RNF10: variants seen among roughly 807,000 people sequenced by gnomAD.
RNF10 encodes ring finger protein 10.
A neutral mutation model predicts 91.4 loss-of-function variants in RNF10; 38 were observed. The observed-to-expected ratio is 0.42, with a 90% CI of 0.32 to 0.54. RNF10 has a LOEUF of 0.54. Among genes scored for constraint, RNF10 ranks in the 20% least tolerant of loss-of-function variants. RNF10 has a pLI of 0.16. For synonymous variants in RNF10, 364 were observed against 366.3 expected (o/e 0.99, Z 0.07); for missense variants, 945 against 1,012.0 (o/e 0.93, Z 0.90).
chr12:120,562,941 T>G lies in RNF10; in HGVS notation c.1129-4T>G. ...TTCTCTGGTGTTCTCTCTGGCCACG[T>G]TAGACTCGGGAAGAGGCTCTGTCGG... On this transcript the variant is annotated splice_region_variant and splice_polypyrimidine_tract_variant and intron_variant, in intron 7 of 16. Coordinates refer to ENST00000325954, the MANE Select transcript of RNF10 (RefSeq NM_014868.5). The G allele has an allele frequency of 6.2e-7, 1 of 1,613,878 alleles. No individual in the cohort carries two copies. Among genetic ancestry groups the G allele is most frequent in the Non-Finnish European group, 8.5e-7 (1 of 1,179,876 alleles).
intron 14 of RNF10, chr12:120,575,429 C>T (rs1306626115): frequency 1.7e-6 from 1 of 599,372 alleles, no homozygotes. Context: ...TGGTTTACTA[C>T]CTTGTGGGTT....
chr12:120,534,643 C>T lies in RNF10; in HGVS notation c.-169C>T. 1 of 1,345,742 alleles carries T rather than the reference C, an allele frequency of 7.4e-7. No homozygotes were observed. 83.4% of individuals were successfully genotyped at this position (1,345,742 alleles called of 1,614,324 possible). A position where few individuals can be genotyped will look rare whatever the true frequency, so the allele number is the denominator to read the frequency against. On this transcript the variant is annotated 5_prime_UTR_variant, in exon 1 of 17. Transcript: ENST00000325954. ...CGCCGGGCTTAACAGCCCCGTCCGCCGCTTCTCTTCCTAGTTTGAGAAGCC... is the reference window on the plus strand; with the variant it reads ...CGCCGGGCTTAACAGCCCCGTCCGCTGCTTCTCTTCCTAGTTTGAGAAGCC...
chr12:120,543,534 G>A (rs893395791), intron 1 of RNF10, among the ~76,000 whole-genome samples: 1 of 152,182 alleles, frequency 6.6e-6, no homozygotes, highest in Non-Finnish European at 1.5e-5. Context: ...GGGCCTGATG[G>A]CTCACGCCTG....
In RNF10 at chr12:120,565,094, AT is replaced by A. The variant is rs1284240292; in HGVS notation, c.1689del (p.Leu564SerfsTer27). The part of the protein sequence containing the change: ...MSEDVRQRHR[Y>X]LSHLPLTCEF... The stretch of plus-strand genomic sequence containing the variant: ...TAGGATGTTCGACAGCGTCACAGAT[AT>A]CTCTCTCACTTGCCACTCACCTGTG... On this transcript the variant is annotated frameshift_variant, in exon 11 of 17. Transcript: ENST00000325954. LOFTEE classifies it high-confidence loss of function. The A allele has an allele frequency of 6.2e-7, 1 of 1,613,708 alleles. No homozygotes were observed.
At chr12:120,561,741 C>T (rs1874861856) in intron 7 of RNF10, among the ~76,000 whole-genome samples, 1 of 152,182 alleles carries the variant, frequency 6.6e-6, no homozygotes, top group Non-Finnish European at 1.5e-5. Context: ...CTCCCAAGGG[C>T]TCCTTGGGTA....
intron 16 of RNF10, 39 bp from the exon 17 acceptor site, chr12:120,576,551 G>A (rs751071405): frequency 8.1e-6 from 13 of 1,605,744 alleles, no homozygotes; most frequent in Non-Finnish European, 9.4e-6. Context: ...ACAAGGGATG[G>A]CATTTTAAGT....
chr12:120,560,877 G>A lies in RNF10; in HGVS notation c.1119G>A (p.Gln373=). The change falls in exon 7 of 17, where the codon CAG becomes CAA. Residue 373 remains glutamine, a synonymous_variant. Coordinates refer to ENST00000325954, the MANE Select transcript of RNF10 (RefSeq NM_014868.5). The part of the protein sequence containing the change: ...PESCFIEAAI[Q]ELKTREEALS... ...CCTGCTTTATTGAGGCAGCTATCCA[G>A]GAGCTCAAGGTGAGAGGATGCATTG... 1.9e-6 allele frequency: 3 copies of A among 1,613,978 alleles called. No homozygotes were observed. Among genetic ancestry groups the A allele is most frequent in the Non-Finnish European group, 2.5e-6 (3 of 1,179,938 alleles).
chr12:120,553,653 T>G (rs1167712), intron 3 of RNF10, among the ~76,000 whole-genome samples: 82,945 of 151,198 alleles, frequency 0.55, 24,973 homozygotes, highest in East Asian at 0.77. Flanking sequence ...TCCACCCGCC[T>G]CGGCCTCCCA....
At chr12:120,563,316 C>T (rs1875181837) in intron 8 of RNF10, 31 bp from the exon 9 acceptor site, 4 of 1,584,968 alleles carry the variant, frequency 2.5e-6, no homozygotes, top group Non-Finnish European at 3.4e-6. Flanking sequence ...AGGAGATATC[C>T]TTTCTGTTGA....
intron 1 of RNF10, chr12:120,535,288 C>T: frequency 8.0e-6 from 2 of 248,982 alleles, no homozygotes; most frequent in South Asian, 1.4e-4. Context: ...GTTTGTGTGA[C>T]TCATCAGTCC....
chr12:120,546,646 C>T lies in RNF10; in HGVS notation c.354+45C>T, dbSNP rs1459831795. 2.6e-6 allele frequency: 4 copies of T among 1,521,450 alleles called. No homozygotes were observed. In the African/African-American group the frequency reaches 5.5e-5, roughly 21 times the overall value. The allele number at this position is 1,521,450 out of a possible 1,614,324, so 94.2% of individuals were successfully genotyped here. A position where few individuals can be genotyped will look rare whatever the true frequency, so the allele number is the denominator to read the frequency against. On this transcript the variant is annotated intron_variant, in intron 2 of 16. Transcript: ENST00000325954. ...CCTTTCTAGAGCATAAGCATGAGAT[C>T]TGATCCCATCCCCCGTCCCCCAGTT...
In RNF10 at chr12:120,559,238, A is replaced by G. The variant is rs189515513; in HGVS notation, c.968-1488A>G. The stretch of plus-strand genomic sequence containing the variant: ...GCTGTGTTTCCCAGGCTGGAGTGCA[A>G]TGGTGTGATCTCGGCTCACTGCAAC... On this transcript the variant is annotated intron_variant, in intron 6 of 16. Transcript: ENST00000325954. Among the ~76,000 whole-genome samples the G allele has an allele frequency of 1.1e-4, 15 of 137,688 alleles. No individual in the cohort carries two copies. The Admixed American group carries it at 1.1e-3, about 10-fold the overall frequency. The allele number at this position is 137,688 out of a possible 152,430, so 90.3% of individuals were successfully genotyped here. A position where few individuals can be genotyped will look rare whatever the true frequency, so the allele number is the denominator to read the frequency against.
intron 4 of RNF10, 48 bp downstream of exon 4, chr12:120,554,856 A>T (rs1298819981): frequency 1.4e-6 from 2 of 1,435,920 alleles, no homozygotes; most frequent in South Asian, 1.1e-5. Flanking sequence ...AGCACTAAAT[A>T]AAGGCACTGT....
chr12:120,566,235 A>G (rs1875670875), intron 12 of RNF10, among the ~76,000 whole-genome samples: 1 of 152,230 alleles, frequency 6.6e-6, no homozygotes, highest in African/African-American at 2.4e-5. Context: ...TATTTCAGGA[A>G]TAGGATTTTT....
intron 3 of RNF10, 29 bp downstream of exon 3, chr12:120,552,727 G>A: frequency 6.2e-7 from 1 of 1,600,752 alleles, no homozygotes; most frequent in South Asian, 1.1e-5. Context: ...CAGAGGAAAG[G>A]GAAAGTAGGA....
At chr12:120,550,083 C>A (rs1338867607) in intron 2 of RNF10, among the ~76,000 whole-genome samples, 2 of 152,270 alleles carry the variant, frequency 1.3e-5, no homozygotes, top group African/African-American at 4.8e-5. Context: ...GCTGCCTGCG[C>A]TAGAGAAGTA....
At chr12:120,539,269 G>T (rs748014859) in intron 1 of RNF10, 23 of 527,184 alleles carry the variant, frequency 4.4e-5, no homozygotes, top group Non-Finnish European at 7.3e-5. Flanking sequence ...GTCCTAGGCG[G>T]TATTTTTCAA....
intron 2 of RNF10, among the ~76,000 whole-genome samples, chr12:120,549,394 G>C (rs188236497): frequency 2.0e-4 from 31 of 152,246 alleles, no homozygotes; most frequent in Admixed American, 1.4e-3. Flanking sequence ...GTATTTGTTA[G>C]CCCTGTTTGT....
intron 16 of RNF10, 147 bp downstream of exon 16, chr12:120,576,097 T>A: frequency 1.2e-6 from 1 of 827,784 alleles, no homozygotes; most frequent in South Asian, 1.7e-5. Context: ...TAAATAATAC[T>A]CCATTTGGTA....
Sources: allele counts gnomAD v4.1 joint callset (sites outside exome capture counted in the v4.1 genomes callset), GRCh38; gene constraint gnomAD v4.1.1; transcripts MANE v1.5; gene names NCBI Gene and HGNC (gene_info 2026-07-23, HGNC 2026-07-21).